FBXO34: variants seen among roughly 807,000 people sequenced by gnomAD.
FBXO34 encodes the protein F-box protein 34, also known as F-box only protein 34.
A neutral mutation model predicts 24.5 loss-of-function variants in FBXO34; 12 were observed. That is an observed-to-expected ratio of 0.49 (90% CI 0.31 to 0.79). The LOEUF (loss-of-function observed/expected upper bound fraction) is 0.79. Among genes scored for constraint, FBXO34 ranks in the 30% least tolerant of loss-of-function variants. The pLI is 0.04. For missense variants in FBXO34, 823 were observed against 857.7 expected (o/e 0.96, Z 0.51); for synonymous variants, 320 against 311.9 (o/e 1.03, Z -0.27).
At chr14:55,435,919 A>G in the FBXO34 span, 2 of 1,578,540 alleles carry the variant, frequency 1.3e-6, no homozygotes, top group South Asian at 1.2e-5. Context: ...CCAGGTTTAC[A>G]GTGGAAACTA....
the FBXO34 span, among the ~76,000 whole-genome samples, chr14:55,402,956 TATATATATATATAA>T: frequency 7.4e-4 from 42 of 56,502 alleles, 2 homozygotes; most frequent in South Asian, 1.5e-3. Context: ...TATATATATA[TATATATATATATAA>T]ATAGCTGGGC....
chr14:55,367,890 C>T (rs1435484990), exon 3 of FBXO34: 1 of 152,426 alleles, frequency 6.6e-6, no homozygotes, highest in East Asian at 1.9e-4. Context: ...ACCAAATATA[C>T]CATTAGCAAA....
At chr14:55,277,451 G>T (rs1165479619) in intron 1 of FBXO34, among the ~76,000 whole-genome samples, 1 of 152,100 alleles carries the variant, frequency 6.6e-6, no homozygotes, top group Non-Finnish European at 1.5e-5. Context: ...CTCTTGAGTA[G>T]TTGGGTCTAC....
chr14:55,377,745 T>C, the FBXO34 span: 38 of 1,128,958 alleles, frequency 3.4e-5, 1 homozygote, highest in Admixed American at 9.0e-4. Flanking sequence ...AACACGACTC[T>C]ACTATGCCAA....
rs1883587457 is a variant in FBXO34 at position 55,331,821 on chromosome 14, CGGG to C, written c.-10-18558_-10-18556del. On this transcript the variant is annotated intron_variant, in intron 1 of 1. Transcript: ENST00000313833. ...ATAAATATATATATATATACACCAC[CGGG>C]GTGTATATATAAAAATATATATATA... Among the ~76,000 whole-genome samples, 2 of 49,468 alleles carry C rather than the reference CGGG, an allele frequency of 4.0e-5. 1 individual carries two copies. The highest frequency in any genetic ancestry group is 1.9e-4 in the African/African-American group (2 of 10,416). The allele number at this position is 49,468 out of a possible 152,430, so 32.5% of individuals were successfully genotyped here.
rs554246227 is a variant in FBXO34 at position 55,367,564 on chromosome 14, G to A, written c.*762G>A. ...TCAAGACCAGCCTGGCCAACATGGTGAAAACCCCCGTCTTTACTAAAATAC... is the reference window on the plus strand; with the variant it reads ...TCAAGACCAGCCTGGCCAACATGGTAAAAACCCCCGTCTTTACTAAAATAC... On this transcript the variant is annotated 3_prime_UTR_variant and NMD_transcript_variant, in exon 3 of 3. Transcript: ENST00000680658. 6 of 152,304 alleles carry A rather than the reference G, an allele frequency of 3.9e-5. 2 individuals are homozygous for A. In the South Asian group the frequency reaches 1.2e-3, roughly 32 times the overall value. The allele number at this position is 152,304 out of a possible 1,614,324, so 9.4% of individuals were successfully genotyped here. A position where few individuals can be genotyped will look rare whatever the true frequency, so the allele number is the denominator to read the frequency against.
At chr14:55,368,561 C>A (rs1057408530), downstream of FBXO34, 1 of 152,234 alleles carries the variant, frequency 6.6e-6, no homozygotes, top group Non-Finnish European at 1.5e-5. Context: ...CAGAACAGAG[C>A]AGAGTAGCAT....
chr14:55,298,199 CTG>C (rs1345124099), intron 1 of FBXO34, among the ~76,000 whole-genome samples: 1 of 144,546 alleles, frequency 6.9e-6, no homozygotes, highest in Non-Finnish European at 1.5e-5. Flanking sequence ...TCTTAAAACA[CTG>C]TGAGTTTTTT....
At chr14:55,440,754 G>T in the FBXO34 span, 1 of 541,780 alleles carries the variant, frequency 1.8e-6, no homozygotes, top group Admixed American at 3.6e-5. Context: ...CAGCTGGGAA[G>T]GGCCTGGGCC....
At chr14:55,323,102 G>A (rs1337427699) in intron 1 of FBXO34, among the ~76,000 whole-genome samples, 3 of 135,918 alleles carry the variant, frequency 2.2e-5, no homozygotes, top group East Asian at 2.3e-4. Flanking sequence ...GGAGAATGGC[G>A]TGAACCCGGG....
At chr14:55,425,241 A>C in the FBXO34 span, among the ~76,000 whole-genome samples, 1 of 152,182 alleles carries the variant, frequency 6.6e-6, no homozygotes, top group African/African-American at 2.4e-5. Context: ...GTCTTACTGC[A>C]GGGAGCCTGT....
chr14:55,420,148 G>A, the FBXO34 span, among the ~76,000 whole-genome samples: 3 of 152,288 alleles, frequency 2.0e-5, no homozygotes, highest in East Asian at 5.8e-4. Context: ...TCGGCTCACT[G>A]CAACTTCCGC....
At chr14:55,313,632 T>TA (rs1233519505) in intron 1 of FBXO34, among the ~76,000 whole-genome samples, 1 of 152,178 alleles carries the variant, frequency 6.6e-6, no homozygotes, top group African/African-American at 2.4e-5. Flanking sequence ...ACAGGAAACT[T>TA]ACAATCATGG....
chr14:55,323,042 G>A (rs1280910565), intron 1 of FBXO34, among the ~76,000 whole-genome samples: 5 of 116,418 alleles, frequency 4.3e-5, no homozygotes. Context: ...AAGCAAAAAC[G>A]GGCATGATGG....
At chr14:55,307,146 A>G (rs1470297243) in intron 1 of FBXO34, among the ~76,000 whole-genome samples, 1 of 152,242 alleles carries the variant, frequency 6.6e-6, no homozygotes, top group Non-Finnish European at 1.5e-5. Context: ...TTGTCTTTAA[A>G]ACAGCTTGCA....
intron 1 of FBXO34, among the ~76,000 whole-genome samples, chr14:55,349,194 G>C (rs1192616060): frequency 6.6e-6 from 1 of 151,782 alleles, no homozygotes; most frequent in African/African-American, 2.4e-5. Flanking sequence ...TAGTATTTCA[G>C]CCCCTCAGTT....
At position 55,350,775 on chromosome 14, in the gene FBXO34, A is replaced by G; in HGVS notation, c.385A>G (p.Ser129Gly). The G allele has an allele frequency of 1.9e-6, 3 of 1,608,382 alleles. No individual in the cohort carries two copies. Among genetic ancestry groups the G allele is most frequent in the Non-Finnish European group, 2.5e-6 (3 of 1,178,184 alleles). Residue 129 changes from serine to glycine, a missense_variant, in exon 2 of 2, where the codon AGT (serine) becomes GGT (glycine). Ser to Gly is a moderately conservative substitution (Grantham distance 56, BLOSUM62 0). Coordinates refer to ENST00000313833, the MANE Select transcript of FBXO34 (RefSeq NM_017943.4). The part of the protein sequence containing the change: ...KIAFFASHQC[S>G]NRIGSMKIKS... ...TGCATTCTTTGCATCCCACCAGTGT[A>G]GTAACAGGATAGGATCTATGAAAAT...
the FBXO34 span, among the ~76,000 whole-genome samples, chr14:55,386,721 G>A: frequency 6.6e-6 from 1 of 152,172 alleles, no homozygotes; most frequent in Non-Finnish European, 1.5e-5. Flanking sequence ...ACAACCACGA[G>A]GAGACATACA....
At chr14:55,412,061 G>A in the FBXO34 span, among the ~76,000 whole-genome samples, 1 of 152,246 alleles carries the variant, frequency 6.6e-6, no homozygotes. Context: ...AATGTCATCT[G>A]CTGGCTCAGG....
Sources: gnomAD v4.1 joint callset for allele counts (sites outside exome capture counted in the v4.1 genomes callset) on GRCh38, gnomAD v4.1.1 for gene constraint, MANE v1.5 for transcripts, NCBI Gene and HGNC (gene_info 2026-07-23, HGNC 2026-07-21) for gene names.